The following LRRC43 variants were observed in gnomAD, a reference collection of about 807,000 sequenced individuals.
The protein encoded by LRRC43 is leucine-rich repeat-containing protein 43.
A neutral mutation model predicts 64.3 loss-of-function variants in LRRC43; 62 were observed. The ratio of observed to expected loss-of-function variants is 0.96; its 90% CI spans 0.79 to 1.19. The LOEUF is 1.19. LRRC43 is among the 50% of genes most tolerant of loss of function. The pLI, the probability that LRRC43 is intolerant of heterozygous loss-of-function variation, is 0.00. For missense variants in LRRC43, 868 were observed against 845.0 expected, an observed-to-expected ratio of 1.03 and a Z score of -0.34; for synonymous variants, 422 against 382.3, an observed-to-expected ratio of 1.10 and a Z score of -1.21.
At position 122,191,476 on chromosome 12, in the gene LRRC43, G is replaced by T. The variant is rs776831066; in HGVS notation, c.998G>T (p.Gly333Val). Reference sequence around the variant, plus strand: ...TTAGACCCGGAACCCAGGCCCGAAGGCCCTTTCATCACTTACAACTATTAC... The same window carrying T: ...TTAGACCCGGAACCCAGGCCCGAAGTCCCTTTCATCACTTACAACTATTAC... ...SVLDPEPRPE[G>V]PFITYNYYVT... Residue 333 changes from glycine to valine, a missense_variant, in exon 6 of 12, where the codon GGC becomes GTC. Gly to Val is a moderately radical substitution (Grantham distance 109). Transcript: ENST00000339777. The T allele has an allele frequency of 6.2e-7, 1 of 1,614,050 alleles. No individual in the cohort carries two copies. Among genetic ancestry groups the T allele is most frequent in the Non-Finnish European group, 8.5e-7 (1 of 1,180,012 alleles).
intron 4 of LRRC43, among the ~76,000 whole-genome samples, chr12:122,189,205 C>T (rs1593148025): frequency 6.6e-6 from 1 of 152,078 alleles, no homozygotes; most frequent in East Asian, 1.9e-4. Flanking sequence ...GCAAAACATG[C>T]TGTGAGAAGT....
intron 4 of LRRC43, among the ~76,000 whole-genome samples, chr12:122,188,730 C>T (rs550041151): frequency 5.1e-4 from 78 of 152,256 alleles, no homozygotes; most frequent in Non-Finnish European, 7.9e-4. Flanking sequence ...CGTGAGCCAC[C>T]GCACTTGGCC....
At position 122,191,450 on chromosome 12, in the gene LRRC43, C is replaced by T. The variant is rs375640450; in HGVS notation, c.972C>T (p.Val324=). ...TCAGAGGAGTCCTGGACACCTCTGT[C>T]TTAGACCCGGAACCCAGGCCCGAAG... is the stretch of plus-strand genomic sequence containing the variant. ...GNIRGVLDTS[V]LDPEPRPEGP... The change falls in exon 6 of 12, where the codon GTC becomes GTT. Residue 324 remains valine, a synonymous_variant. Coordinates refer to ENST00000339777, the MANE Select transcript of LRRC43 (RefSeq NM_001098519.2). 14 of 1,614,112 alleles carry T rather than the reference C, an allele frequency of 8.7e-6. No individual in the cohort carries two copies. The highest frequency in any genetic ancestry group is 1.7e-4 in the Middle Eastern group (1 of 6,058).
chr12:122,186,647 G>A (rs185471378), intron 3 of LRRC43, among the ~76,000 whole-genome samples: 20 of 152,114 alleles, frequency 1.3e-4, no homozygotes, highest in East Asian at 3.9e-4. Flanking sequence ...GGCCAGGCGC[G>A]GTGGCTCACA....
At chr12:122,169,907 C>A (rs1953470744) in intron 1 of LRRC43, among the ~76,000 whole-genome samples, 1 of 151,798 alleles carries the variant, frequency 6.6e-6, no homozygotes, top group South Asian at 2.1e-4. Context: ...CTCCTAGGTT[C>A]AAGCAAGTGG....
At chr12:122,187,655 C>G in intron 3 of LRRC43, 46 bp from the exon 4 acceptor site, 1 of 1,598,476 alleles carries the variant, frequency 6.3e-7, no homozygotes, top group Non-Finnish European at 8.5e-7. Flanking sequence ...ATCCTCAGCG[C>G]TGACTTGGGG....
chr12:122,193,038 C>T (rs1260247789), intron 7 of LRRC43, 34 bp downstream of exon 7: 1 of 1,608,328 alleles, frequency 6.2e-7, no homozygotes, highest in Admixed American at 1.7e-5. Context: ...GGCAAGTGGT[C>T]AGAGCAGTAG....
At chr12:122,193,379 C>CACAA (rs1454068315) in intron 7 of LRRC43, among the ~76,000 whole-genome samples, 1 of 44,046 alleles carries the variant, frequency 2.3e-5, no homozygotes, top group Non-Finnish European at 3.8e-5. Context: ...GACTCCGTCT[C>CACAA]ATAAAAAAAA....
chr12:122,170,142 ATTTAC>A (rs960839915), intron 1 of LRRC43, among the ~76,000 whole-genome samples: 8 of 151,930 alleles, frequency 5.3e-5, no homozygotes, highest in African/African-American at 1.7e-4. Context: ...ACTTGTGGGT[ATTTAC>A]TTTATTCTTT....
Position 122,190,449 on chromosome 12 carries a change from G to C in LRRC43, c.901+81G>C, listed in dbSNP as rs547210187. The stretch of plus-strand genomic sequence containing the variant: ...GGCTGTGCCCCGCCCTCCTGGGTCC[G>C]TGTACCCGTCTGTCCTGCAACTCCC... On this transcript the variant is annotated intron_variant, in intron 5 of 11. Transcript: ENST00000339777. 13 of 1,133,834 alleles carry C rather than the reference G, an allele frequency of 1.1e-5. No individual in the cohort carries two copies. In the Admixed American group the frequency reaches 2.2e-4, roughly 19 times the overall value. The allele number at this position is 1,133,834 out of a possible 1,614,324, so 70.2% of individuals were successfully genotyped here.
chr12:122,178,371 G>T (rs774862707), upstream of LRRC43, among the ~76,000 whole-genome samples: 1 of 151,952 alleles, frequency 6.6e-6, no homozygotes, highest in African/African-American at 2.4e-5. Context: ...CTAGCTCCAC[G>T]GTGTCCACCC....
intron 6 of LRRC43, 64 bp from the exon 7 acceptor site, chr12:122,192,681 C>G: frequency 6.3e-7 from 1 of 1,578,648 alleles, no homozygotes; most frequent in Non-Finnish European, 8.6e-7. Context: ...ACAGACACCC[C>G]CGGCATCAGC....
At chr12:122,189,633 T>C (rs2136042021) in intron 4 of LRRC43, 1 of 375,484 alleles carries the variant, frequency 2.7e-6, no homozygotes, top group East Asian at 7.3e-5. Context: ...AGTCTGGCTT[T>C]GAGAAGCCAT....
chr12:122,200,507 C>A lies in LRRC43; in HGVS notation c.1492-25C>A. On this transcript the variant is annotated intron_variant, in intron 8 of 11. Coordinates refer to ENST00000339777, the MANE Select transcript of LRRC43 (RefSeq NM_001098519.2). This position sits in a 1 kb window ranked among gnomAD's most constrained non-coding sequence, Gnocchi z 4.6. ...GGCAGCCCGCCTGGGCCTCTGCTCACTCGAGGATTCTCTCCTGCCCCTAGA... is the reference window on the plus strand; with the variant it reads ...GGCAGCCCGCCTGGGCCTCTGCTCAATCGAGGATTCTCTCCTGCCCCTAGA... 3 of 1,614,044 alleles carry A rather than the reference C, an allele frequency of 1.9e-6. No individual in the cohort carries two copies. Among genetic ancestry groups the A allele is most frequent in the Non-Finnish European group, 2.5e-6 (3 of 1,180,020 alleles).
chr12:122,199,094 T>C (rs1381370980), intron 7 of LRRC43, among the ~76,000 whole-genome samples: 4 of 146,222 alleles, frequency 2.7e-5, no homozygotes, highest in Non-Finnish European at 4.5e-5. Context: ...AACTTGGACA[T>C]ACTTTAAATT....
At chr12:122,174,011 C>T (rs372020143) in intron 1 of LRRC43, 23 of 1,613,554 alleles carry the variant, frequency 1.4e-5, no homozygotes, top group East Asian at 4.5e-5. Context: ...AGAACGATGC[C>T]GTGAGCGCAT....
At chr12:122,187,652 GC>G (rs1953660295) in intron 3 of LRRC43, 48 bp from the exon 4 acceptor site, 1 of 1,590,568 alleles carries the variant, frequency 6.3e-7, no homozygotes, top group East Asian at 2.3e-5. Context: ...CTGATCCTCA[GC>G]GCTGACTTGG....
chr12:122,199,181 G>A lies in LRRC43; in HGVS notation c.1350-1008G>A, dbSNP rs185763216. Reference sequence around the variant, plus strand: ...CAATTTATGTTAAATCACTTCCTGAGTGGGATGCTGCTTCAGGGTTGCCAT... The same window carrying A: ...CAATTTATGTTAAATCACTTCCTGAATGGGATGCTGCTTCAGGGTTGCCAT... On this transcript the variant is annotated intron_variant, in intron 7 of 11. Transcript: ENST00000339777. Among the ~76,000 whole-genome samples the A allele has an allele frequency of 1.2e-4, 18 of 151,724 alleles. No homozygotes were observed. In the East Asian group the frequency reaches 3.1e-3, roughly 26 times the overall value.
rs573388960 is a variant in LRRC43, at chr12:122,192,232, G to A, written c.1090-513G>A. 1.2e-4 allele frequency among the ~76,000 whole-genome samples: 18 copies of A among 152,242 alleles called. No individual in the cohort carries two copies. The East Asian group carries it at 2.7e-3, about 23-fold the overall frequency. ...GGCTGACTGCAACCTCTGCCTCTGG[G>A]TTCAAGTGATTCTCCTGCCTCAGCC... On this transcript the variant is annotated intron_variant, in intron 6 of 11. Transcript: ENST00000339777.
Sources: gnomAD v4.1 joint callset for allele counts (sites outside exome capture counted in the v4.1 genomes callset) on GRCh38, gnomAD v4.1.1 for gene constraint, Gnocchi (gnomAD v3.1) non-coding constraint, MANE v1.5 for transcripts, NCBI Gene and HGNC (gene_info 2026-07-23, HGNC 2026-07-21) for gene names.